Variants in WWC1 observed in about 807,000 individuals in gnomAD.
WWC1 encodes the protein WW and C2 domain containing 1.
A neutral mutation model predicts 138.4 loss-of-function variants in WWC1; 55 were observed. The ratio of observed to expected loss-of-function variants is 0.40; its 90% CI spans 0.32 to 0.50. The LOEUF (loss-of-function observed/expected upper bound fraction) is 0.50. WWC1 is among the 20% of genes least tolerant of loss of function. The pLI, the probability that WWC1 is intolerant of heterozygous loss-of-function variation, is 0.72. For synonymous variants in WWC1, 524 were observed against 564.9 expected (o/e 0.93, Z 1.03); for missense variants, 1,226 against 1,420.4 (o/e 0.86, Z 2.20).
At chr5:168,440,956 A>G (rs957076090) in intron 15 of WWC1, among the ~76,000 whole-genome samples, 1 of 152,202 alleles carries the variant, frequency 6.6e-6, no homozygotes, top group South Asian at 2.1e-4. Flanking sequence ...ATACAGTGGA[A>G]TATTATTCAG....
chr5:168,405,214 T>C (rs1181756826), intron 5 of WWC1, among the ~76,000 whole-genome samples: 3 of 152,184 alleles, frequency 2.0e-5, no homozygotes, highest in Non-Finnish European at 4.4e-5. Context: ...TTCATTGTGT[T>C]CATTAGCTCA....
chr5:168,316,534 G>A (rs1245633973), intron 1 of WWC1: 1 of 152,172 alleles, frequency 6.6e-6, no homozygotes, highest in African/African-American at 2.4e-5. Context: ...AGACTGCTGT[G>A]ACCTCAGGGG....
chr5:168,373,923 G>A (rs1055165408), intron 2 of WWC1, among the ~76,000 whole-genome samples: 1 of 151,396 alleles, frequency 6.6e-6, no homozygotes, highest in Admixed American at 6.6e-5. Context: ...GCGGGCATCT[G>A]TAATCCCAGC....
At chr5:168,465,033 AAG>A in intron 21 of WWC1, 71 bp downstream of exon 21, 1 of 1,548,372 alleles carries the variant, frequency 6.5e-7, no homozygotes, top group Non-Finnish European at 8.7e-7. Context: ...TGCCCCGGGG[AAG>A]AGAGGCCAGA....
chr5:168,399,603 C>T, intron 5 of WWC1, 36 bp downstream of exon 5: 1 of 1,603,978 alleles, frequency 6.2e-7, no homozygotes, highest in Non-Finnish European at 8.5e-7. Flanking sequence ...ATGGGGGCTG[C>T]TCCCCACCCT....
intron 5 of WWC1, among the ~76,000 whole-genome samples, chr5:168,405,256 A>G (rs1364810536): frequency 6.6e-6 from 1 of 152,182 alleles, no homozygotes; most frequent in Admixed American, 6.5e-5. Flanking sequence ...GTTCTTGACC[A>G]GCATGATTTT....
In WWC1 at chr5:168,292,976, G is replaced by T. The variant is rs1466904313; in HGVS notation, c.119+705G>T. Among the ~76,000 whole-genome samples, 6 of 152,182 alleles carry T rather than the reference G, an allele frequency of 3.9e-5. No individual in the cohort carries two copies. Among genetic ancestry groups the T allele is most frequent in the Non-Finnish European group, 8.8e-5 (6 of 68,028 alleles). Reference sequence around the variant, plus strand: ...GGAGATGGAGGTGAGAGGCCTCCCGGAAAGCCTTGCCCCTCGCCTCTTTCT... The same window carrying T: ...GGAGATGGAGGTGAGAGGCCTCCCGTAAAGCCTTGCCCCTCGCCTCTTTCT... On this transcript the variant is annotated intron_variant, in intron 1 of 22. Coordinates refer to ENST00000265293, the MANE Select transcript of WWC1 (RefSeq NM_015238.3). The surrounding 1 kb of genome is among the most constrained non-coding windows in gnomAD (Gnocchi z 4.4).
At position 168,428,578 on chromosome 5, in the gene WWC1, AT is replaced by A. The variant is rs1781700000; in HGVS notation, c.1920-126del. On this transcript the variant is annotated intron_variant, in intron 12 of 22. Transcript: ENST00000265293. ...CTAAAAAAAATTTTTTTTAATTAAA[AT>A]TTAAAAAAGGACCTGAAGGGAAGCT... 6 of 856,898 alleles carry A rather than the reference AT, an allele frequency of 7.0e-6. No homozygotes were observed. The South Asian group carries it at 9.9e-5, about 14-fold the overall frequency. The allele number at this position is 856,898 out of a possible 1,614,324, so 53.1% of individuals were successfully genotyped here. A position where few individuals can be genotyped will look rare whatever the true frequency, so the allele number is the denominator to read the frequency against.
chr5:168,455,234 C>G (rs1756201203), intron 18 of WWC1, 122 bp from the exon 19 acceptor site: 1 of 1,262,992 alleles, frequency 7.9e-7, no homozygotes. Context: ...CCAAGGAAAC[C>G]CTGGTTGTGT....
intron 3 of WWC1, 65 bp from the exon 4 acceptor site, chr5:168,397,659 A>T: frequency 6.3e-7 from 1 of 1,579,626 alleles, no homozygotes; most frequent in Non-Finnish European, 8.7e-7. Context: ...TAGATGGCCA[A>T]TAAGCCAACT....
chr5:168,453,230 A>G (rs377292245), intron 17 of WWC1, among the ~76,000 whole-genome samples: 105 of 68,614 alleles, frequency 1.5e-3, no homozygotes, highest in African/African-American at 4.0e-3. Flanking sequence ...ATTCAAAAGG[A>G]AAAAAAAAAA....
chr5:168,406,944 A>AAAATAAATAAATAAATAAAT lies in WWC1; in HGVS notation c.720+621_720+640dup, dbSNP rs199720935. Reference sequence around the variant, plus strand: ...GCGAAACAGTGAGACTCTGTCTCAAAAAATAAATAAATAAATAAATAAAGA... The same window carrying AAAATAAATAAATAAATAAAT: ...GCGAAACAGTGAGACTCTGTCTCAAAAAATAAATAAATAAATAAATAAATAAATAAATAAATAAATAAAGA... On this transcript the variant is annotated intron_variant, in intron 6 of 22. Coordinates refer to ENST00000265293, the MANE Select transcript of WWC1 (RefSeq NM_015238.3). Among the ~76,000 whole-genome samples the AAAATAAATAAATAAATAAAT allele has an allele frequency of 2.8e-3, 428 of 151,622 alleles. 1 individual carries two copies. The highest frequency in any genetic ancestry group is 9.9e-3 in the African/African-American group (406 of 41,054).
At chr5:168,448,340 G>A (rs1755471766) in intron 17 of WWC1, among the ~76,000 whole-genome samples, 2 of 152,086 alleles carry the variant, frequency 1.3e-5, no homozygotes, top group South Asian at 2.1e-4. Flanking sequence ...CGTGTCACTG[G>A]TACTCCCTCT....
At chr5:168,293,463 G>C (rs1769250776) in intron 1 of WWC1, among the ~76,000 whole-genome samples, 1 of 152,164 alleles carries the variant, frequency 6.6e-6, no homozygotes, top group Non-Finnish European at 1.5e-5. Flanking sequence ...GAAAATGAGA[G>C]TTGAGATTCT....
chr5:168,358,553 G>A (rs1775630693), intron 1 of WWC1, among the ~76,000 whole-genome samples: 1 of 152,172 alleles, frequency 6.6e-6, no homozygotes, highest in African/African-American at 2.4e-5. Context: ...GATACCAGTT[G>A]GATTTGCCTC....
chr5:168,322,707 A>C (rs1772214254), intron 1 of WWC1, among the ~76,000 whole-genome samples: 1 of 152,224 alleles, frequency 6.6e-6, no homozygotes, highest in Non-Finnish European at 1.5e-5. Flanking sequence ...AGAGAAAAAG[A>C]ATCAAGAGAC....
intron 1 of WWC1, among the ~76,000 whole-genome samples, chr5:168,355,973 TG>T (rs1021497000): frequency 6.6e-6 from 1 of 150,830 alleles, no homozygotes; most frequent in African/African-American, 2.4e-5. Flanking sequence ...GTGATTCTCT[TG>T]GGGGGGCTGT....
chr5:168,428,688 C>T lies in WWC1; in HGVS notation c.1920-19C>T, dbSNP rs1468129942. On this transcript the variant is annotated intron_variant, in intron 12 of 22. Transcript: ENST00000265293. Reference sequence around the variant, plus strand: ...TCACTGTAGGGAAGCCTAACTCCTCCTCCCCTGTTGCCTTTCAGACTGGGT... The same window carrying T: ...TCACTGTAGGGAAGCCTAACTCCTCTTCCCCTGTTGCCTTTCAGACTGGGT... 3 of 1,613,460 alleles carry T rather than the reference C, an allele frequency of 1.9e-6. No individual in the cohort carries two copies. Among genetic ancestry groups the T allele is most frequent in the Admixed American group, 1.7e-5 (1 of 60,010 alleles).
intron 2 of WWC1, among the ~76,000 whole-genome samples, chr5:168,372,382 G>C (rs1776829791): frequency 6.6e-6 from 1 of 152,122 alleles, no homozygotes; most frequent in Non-Finnish European, 1.5e-5. Flanking sequence ...GGATTTTTCA[G>C]CCTCACTCTC....
Sources: allele counts gnomAD v4.1 joint callset (sites outside exome capture counted in the v4.1 genomes callset), GRCh38; gene constraint gnomAD v4.1.1; non-coding constraint Gnocchi (gnomAD v3.1); transcripts MANE v1.5; gene names NCBI Gene and HGNC (gene_info 2026-07-23, HGNC 2026-07-21).